Variants in SLC25A21 observed in about 807,000 individuals in gnomAD.
SLC25A21 encodes the protein mitochondrial 2-oxodicarboxylate carrier.
In SLC25A21, 47 loss-of-function variants were observed where a neutral mutation model predicts 43.8. That is an observed-to-expected ratio of 1.07 (90% confidence interval 0.85 to 1.37). The LOEUF (loss-of-function observed/expected upper bound fraction) is 1.37, where lower values mean the gene tolerates loss of function less well. Among genes scored for constraint, SLC25A21 ranks in the 40% most tolerant of loss-of-function variants. SLC25A21 has a pLI of 0.00. For missense variants in SLC25A21, 352 were observed against 350.2 expected (o/e 1.00, Z -0.04); for synonymous variants, 131 against 121.3 (o/e 1.08, Z -0.52).
intron 3 of SLC25A21, among the ~76,000 whole-genome samples, chr14:36,755,575 A>G (rs893760404): frequency 6.6e-6 from 1 of 152,172 alleles, no homozygotes; most frequent in African/African-American, 2.4e-5. Context: ...TGGTAATATC[A>G]AATTGCTTTA....
chr14:36,851,703 G>A (rs1264804951), intron 2 of SLC25A21, among the ~76,000 whole-genome samples: 2 of 152,146 alleles, frequency 1.3e-5, no homozygotes, highest in East Asian at 1.9e-4. Flanking sequence ...TATTCAAAAT[G>A]TTGGGTCTCC....
chr14:37,067,546 ATAC>A (rs1962085381), intron 1 of SLC25A21, among the ~76,000 whole-genome samples: 1 of 152,210 alleles, frequency 6.6e-6, no homozygotes. Flanking sequence ...CCAAAAGGAT[ATAC>A]TACAAGCGGA....
At chr14:37,007,779 G>A (rs975104488) in intron 1 of SLC25A21, among the ~76,000 whole-genome samples, 1 of 152,082 alleles carries the variant, frequency 6.6e-6, no homozygotes, top group African/African-American at 2.4e-5. Flanking sequence ...GTGAAAGCAT[G>A]ATAGGCATAT....
chr14:36,711,703 G>T (rs1883881217), intron 6 of SLC25A21, among the ~76,000 whole-genome samples: 1 of 152,150 alleles, frequency 6.6e-6, no homozygotes, highest in South Asian at 2.1e-4. Context: ...TGTTGGCAAA[G>T]AACAAACGAT....
intron 1 of SLC25A21, among the ~76,000 whole-genome samples, chr14:36,966,596 C>G (rs1033898794): frequency 2.0e-5 from 3 of 152,190 alleles, no homozygotes; most frequent in African/African-American, 7.2e-5. Context: ...TCCCTATCTA[C>G]ACACTGTACT....
Position 36,748,715 on chromosome 14 carries a change from C to T in SLC25A21, c.204-14142G>A, listed in dbSNP as rs148856978. Among the ~76,000 whole-genome samples, 629 of 152,276 alleles carry T rather than the reference C, an allele frequency of 4.1e-3. 6 individuals are homozygous for T. The highest frequency in any genetic ancestry group is 0.034 in the Admixed American group (520 of 15,296). On this transcript the variant is annotated intron_variant, in intron 3 of 9. Transcript: ENST00000331299. ...TTGTCTGTTTCCCTGGTGATTTCATCGGGTCCTATGACTTTAGTTATCCAC... is the reference window on the plus strand; with the variant it reads ...TTGTCTGTTTCCCTGGTGATTTCATTGGGTCCTATGACTTTAGTTATCCAC...
At chr14:37,009,029 G>A (rs1000061302) in intron 1 of SLC25A21, among the ~76,000 whole-genome samples, 3 of 152,116 alleles carry the variant, frequency 2.0e-5, no homozygotes, top group South Asian at 2.1e-4. Flanking sequence ...AGGTAAAGAC[G>A]AGAGCACATT....
chr14:36,855,227 G>A (rs966647658), intron 2 of SLC25A21, among the ~76,000 whole-genome samples: 3 of 151,800 alleles, frequency 2.0e-5, no homozygotes, highest in Non-Finnish European at 2.9e-5. Flanking sequence ...ACTTCCTGAC[G>A]CTTAGGCATG....
intron 2 of SLC25A21, among the ~76,000 whole-genome samples, chr14:36,824,287 A>G (rs137991204): frequency 6.6e-6 from 1 of 152,280 alleles, no homozygotes; most frequent in African/African-American, 2.4e-5. Flanking sequence ...AGCTTGGCTA[A>G]TAAGGAAGAA....
chr14:36,716,290 G>C (rs773192821), intron 6 of SLC25A21, among the ~76,000 whole-genome samples: 1 of 152,028 alleles, frequency 6.6e-6, no homozygotes, highest in Non-Finnish European at 1.5e-5. Flanking sequence ...AGGTGGAAGG[G>C]TGCAAAGCGT....
intron 1 of SLC25A21, among the ~76,000 whole-genome samples, chr14:37,115,134 A>C (rs1963084268): frequency 6.6e-6 from 1 of 152,162 alleles, no homozygotes; most frequent in African/African-American, 2.4e-5. Context: ...CTTTGAGACC[A>C]AGTGTCCTAG....
chr14:36,960,809 T>C (rs574580765), intron 1 of SLC25A21, among the ~76,000 whole-genome samples: 22 of 152,304 alleles, frequency 1.4e-4, no homozygotes, highest in African/African-American at 5.3e-4. Flanking sequence ...AGGGAACACC[T>C]ATCTAAACAG....
At chr14:36,884,160 C>G (rs921756570) in intron 1 of SLC25A21, among the ~76,000 whole-genome samples, 7 of 152,200 alleles carry the variant, frequency 4.6e-5, no homozygotes, top group African/African-American at 1.7e-4. Flanking sequence ...CTCCCAGCCT[C>G]TGGCAACCTC....
At chr14:36,778,752 A>G (rs1037107091) in intron 3 of SLC25A21, among the ~76,000 whole-genome samples, 5 of 152,226 alleles carry the variant, frequency 3.3e-5, no homozygotes, top group Admixed American at 1.3e-4. Context: ...TGATACAGGT[A>G]TATATTGTGA....
intron 1 of SLC25A21, among the ~76,000 whole-genome samples, chr14:37,045,147 A>T (rs910892063): frequency 3.3e-5 from 5 of 152,212 alleles, no homozygotes; most frequent in African/African-American, 1.2e-4. Context: ...CGAAAGTTAC[A>T]TGATTCTAAA....
intron 1 of SLC25A21, among the ~76,000 whole-genome samples, chr14:37,050,417 G>C (rs572507780): frequency 6.6e-6 from 1 of 152,258 alleles, no homozygotes; most frequent in African/African-American, 2.4e-5. Flanking sequence ...TAATTATCTG[G>C]GGATGCAGCA....
At chr14:37,158,526 C>G (rs768570109) in intron 1 of SLC25A21, among the ~76,000 whole-genome samples, 17 of 152,058 alleles carry the variant, frequency 1.1e-4, no homozygotes, top group Non-Finnish European at 2.5e-4. Flanking sequence ...TTATAAAATT[C>G]ACCATACTTT....
chr14:36,994,075 A>G (rs889175607), intron 1 of SLC25A21, among the ~76,000 whole-genome samples: 2 of 152,172 alleles, frequency 1.3e-5, no homozygotes, highest in African/African-American at 4.8e-5. Flanking sequence ...AGTTATCTAC[A>G]AAGATAACAC....
chr14:37,025,532 C>T (rs1006793591), intron 1 of SLC25A21, among the ~76,000 whole-genome samples: 2 of 152,120 alleles, frequency 1.3e-5, no homozygotes, highest in African/African-American at 4.8e-5. Flanking sequence ...CAGTTACTTG[C>T]AAGGCTGAAA....
Sources: allele counts gnomAD v4.1 joint callset (sites outside exome capture counted in the v4.1 genomes callset), GRCh38; gene constraint gnomAD v4.1.1; transcripts MANE v1.5; gene names NCBI Gene and HGNC (gene_info 2026-07-23, HGNC 2026-07-21).